Variants in KIAA1217 observed in about 807,000 individuals in gnomAD.
KIAA1217 encodes the protein sickle tail protein homolog.
Under a neutral mutation model 163.9 loss-of-function variants are expected in KIAA1217, and 88 were observed. That is an observed-to-expected ratio of 0.54 (90% CI 0.45 to 0.64). The LOEUF (loss-of-function observed/expected upper bound fraction) is 0.64, where lower values mean the gene tolerates loss of function less well. KIAA1217 is among the 30% of genes least tolerant of loss of function. The pLI, the probability that KIAA1217 is intolerant of heterozygous loss-of-function variation, is 0.00. For synonymous variants in KIAA1217, 903 were observed against 923.1 expected (o/e 0.98, Z 0.39); for missense variants, 2,372 against 2,475.0 (o/e 0.96, Z 0.88).
chr10:23,850,716 G>C (rs1259042797), intron 1 of KIAA1217, among the ~76,000 whole-genome samples: 2 of 152,094 alleles, frequency 1.3e-5, no homozygotes, highest in Non-Finnish European at 2.9e-5. Context: ...AACTACCTGA[G>C]ACTGAGTAAT....
At chr10:23,961,991 C>G (rs1844837653) in intron 1 of KIAA1217, among the ~76,000 whole-genome samples, 1 of 152,162 alleles carries the variant, frequency 6.6e-6, no homozygotes, top group Non-Finnish European at 1.5e-5. Context: ...CTCATTTTAT[C>G]TCGATTACCT....
intron 1 of KIAA1217, among the ~76,000 whole-genome samples, chr10:23,918,733 TACACACACACAC>T (rs1554823731): frequency 2.0e-5 from 3 of 147,478 alleles, no homozygotes; most frequent in Admixed American, 6.8e-5. Flanking sequence ...ATTAAATATA[TACACACACACAC>T]ACACACACAC....
intron 5 of KIAA1217, among the ~76,000 whole-genome samples, chr10:24,470,244 T>C (rs1242767659): frequency 6.6e-6 from 1 of 152,120 alleles, no homozygotes; most frequent in Non-Finnish European, 1.5e-5. Flanking sequence ...GAGAGAGGTA[T>C]TTATAGAGGA....
chr10:24,007,769 T>G (rs1215545862), intron 2 of KIAA1217, among the ~76,000 whole-genome samples: 1 of 151,946 alleles, frequency 6.6e-6, no homozygotes, highest in Non-Finnish European at 1.5e-5. Flanking sequence ...AGATACCTGA[T>G]GACTGCCTGT....
chr10:24,315,932 G>GT (rs796275798), intron 2 of KIAA1217, among the ~76,000 whole-genome samples: 2 of 148,876 alleles, frequency 1.3e-5, no homozygotes, highest in Admixed American at 6.7e-5. Flanking sequence ...TATCTAATGG[G>GT]GGGGGGGAAT....
intron 1 of KIAA1217, among the ~76,000 whole-genome samples, chr10:23,698,240 A>G (rs1258691903): frequency 2.0e-5 from 3 of 152,242 alleles, no homozygotes; most frequent in Non-Finnish European, 4.4e-5. Context: ...GGAAAAAAAT[A>G]GTATATTTTC....
intron 2 of KIAA1217, among the ~76,000 whole-genome samples, chr10:24,333,495 T>C (rs2133612918): frequency 6.6e-6 from 1 of 152,318 alleles, no homozygotes; most frequent in Non-Finnish European, 1.5e-5. Flanking sequence ...GCATATTTCA[T>C]GATGCCAAGA....
chr10:24,076,887 T>A (rs543060686), intron 2 of KIAA1217, among the ~76,000 whole-genome samples: 14,723 of 151,436 alleles, frequency 0.097, 1,119 homozygotes, highest in African/African-American at 0.21. Flanking sequence ...CTTTTTTTTT[T>A]TTTTTTTGAG....
At chr10:24,105,461 A>T (rs79165519) in intron 2 of KIAA1217, among the ~76,000 whole-genome samples, 3,080 of 152,300 alleles carry the variant, frequency 0.02, 49 homozygotes, top group Non-Finnish European at 0.034. Flanking sequence ...CTCACAGGCG[A>T]GGATGAAATG....
At chr10:23,834,992 G>A (rs996740225) in intron 1 of KIAA1217, among the ~76,000 whole-genome samples, 2 of 152,134 alleles carry the variant, frequency 1.3e-5, no homozygotes, top group African/African-American at 2.4e-5. Context: ...GTAGGAAGTT[G>A]AACAAATGCT....
intron 2 of KIAA1217, among the ~76,000 whole-genome samples, chr10:24,115,943 C>G (rs2063035004): frequency 6.6e-6 from 1 of 152,140 alleles, no homozygotes; most frequent in Non-Finnish European, 1.5e-5. Context: ...TTGCTTCAGC[C>G]CATGTCATAC....
chr10:24,482,732 G>A (rs747395063), intron 6 of KIAA1217: 1 of 152,172 alleles, frequency 6.6e-6, no homozygotes, highest in Admixed American at 6.6e-5. Context: ...TAAAAAGTCT[G>A]TATTGAACTG....
At chr10:23,790,214 CACATAT>C (rs1835722056) in intron 1 of KIAA1217, among the ~76,000 whole-genome samples, 1 of 99,364 alleles carries the variant, frequency 1.0e-5, no homozygotes, top group Non-Finnish European at 1.9e-5. Flanking sequence ...TACACATATA[CACATAT>C]GCATATGCAC....
chr10:24,162,094 T>C (rs909227118), intron 2 of KIAA1217, among the ~76,000 whole-genome samples: 1 of 152,154 alleles, frequency 6.6e-6, no homozygotes, highest in African/African-American at 2.4e-5. Flanking sequence ...TGCAAGTATT[T>C]TGAAGTGTCC....
intron 5 of KIAA1217, among the ~76,000 whole-genome samples, chr10:24,443,117 G>A (rs2060636373): frequency 1.3e-5 from 2 of 152,054 alleles, no homozygotes; most frequent in African/African-American, 4.8e-5. Flanking sequence ...TGCCATGTTG[G>A]CCAGGCTGGT....
intron 13 of KIAA1217, among the ~76,000 whole-genome samples, chr10:24,527,104 ACT>A (rs1321346176): frequency 1.3e-5 from 2 of 151,960 alleles, no homozygotes; most frequent in African/African-American, 2.4e-5. Flanking sequence ...TTTATGTATA[ACT>A]CTCTGTTGTG....
chr10:23,896,363 C>A (rs1297222180), intron 1 of KIAA1217, among the ~76,000 whole-genome samples: 1 of 152,088 alleles, frequency 6.6e-6, no homozygotes, highest in African/African-American at 2.4e-5. Flanking sequence ...TCACGCATCA[C>A]ACGCTGTCGA....
At chr10:23,860,412 A>G (rs549655705) in intron 1 of KIAA1217, among the ~76,000 whole-genome samples, 28 of 152,246 alleles carry the variant, frequency 1.8e-4, no homozygotes, top group African/African-American at 6.7e-4. Flanking sequence ...TCCATTATGT[A>G]ACTCCCATCA....
At chr10:24,033,342 A>G (rs1378326602) in intron 2 of KIAA1217, among the ~76,000 whole-genome samples, 1 of 152,234 alleles carries the variant, frequency 6.6e-6, no homozygotes, top group Non-Finnish European at 1.5e-5. Context: ...GGATAAATGC[A>G]GACCACAAAT....
Sources: gnomAD v4.1 joint callset for allele counts (sites outside exome capture counted in the v4.1 genomes callset) on GRCh38, gnomAD v4.1.1 for gene constraint, MANE v1.5 for transcripts, NCBI Gene and HGNC (gene_info 2026-07-23, HGNC 2026-07-21) for gene names.